The following RPRD2 variants were observed in gnomAD, a reference collection of about 807,000 sequenced individuals.
The protein encoded by RPRD2 is regulation of nuclear pre-mRNA domain-containing protein 2.
In RPRD2, 12 loss-of-function variants were observed where a neutral mutation model predicts 104.4. The observed-to-expected ratio is 0.11, with a 90% CI of 0.07 to 0.19. RPRD2 has a LOEUF of 0.19. Among genes scored for constraint, RPRD2 ranks in the 10% least tolerant of loss-of-function variants. The pLI is 1.00. For missense variants in RPRD2, 1,543 were observed against 1,790.1 expected, an observed-to-expected ratio of 0.86 and a Z score of 2.49; for synonymous variants, 714 against 684.9, an observed-to-expected ratio of 1.04 and a Z score of -0.66.
Position 150,473,212 on chromosome 1 carries a change from C to T in RPRD2, c.4264C>T (p.Arg1422Trp). The T allele has an allele frequency of 1.9e-6, 3 of 1,613,980 alleles. No individual in the cohort carries two copies. Among genetic ancestry groups the T allele is most frequent in the South Asian group, 1.1e-5 (1 of 91,082 alleles). ...IILRSPRPDF[R>W]PREPFLSRDP... The stretch of plus-strand genomic sequence containing the variant: ...CTTACGGAGTCCCCGGCCAGACTTT[C>T]GGCCTAGGGAACCTTTTCTCAGCAG... Residue 1422 changes from arginine to tryptophan, a missense_variant, in exon 11 of 11, where the codon CGG (arginine) becomes TGG (tryptophan). Arg to Trp is a moderately radical substitution (Grantham distance 101). This residue lies in a region of RPRD2 where 880 missense variants were observed against 885.6 expected (regional missense o/e 0.99). Coordinates refer to ENST00000369068, the MANE Select transcript of RPRD2 (RefSeq NM_015203.5).
At chr1:150,397,013 G>A (rs190547912) in intron 1 of RPRD2, among the ~76,000 whole-genome samples, 5 of 151,650 alleles carry the variant, frequency 3.3e-5, no homozygotes, top group East Asian at 1.9e-4. Flanking sequence ...TTGCTCTGTC[G>A]CCCAGGCTGG....
intron 7 of RPRD2, 45 bp from the exon 8 acceptor site, chr1:150,457,242 CT>C (rs1239591497): frequency 6.4e-7 from 1 of 1,566,470 alleles, no homozygotes; most frequent in African/African-American, 1.4e-5. Context: ...AAAATGTTAA[CT>C]TTCTGGTCTT....
chr1:150,411,273 C>G (rs1663880170), intron 1 of RPRD2, among the ~76,000 whole-genome samples: 1 of 149,908 alleles, frequency 6.7e-6, no homozygotes, highest in Non-Finnish European at 1.5e-5. Context: ...CCAGCCTGAC[C>G]AACATGATGA....
At chr1:150,469,265 T>TA (rs1354056442) in intron 10 of RPRD2, among the ~76,000 whole-genome samples, 1 of 152,186 alleles carries the variant, frequency 6.6e-6, no homozygotes, top group Non-Finnish European at 1.5e-5. Context: ...AAATGTATAT[T>TA]AAAAATTTTT....
In RPRD2 at chr1:150,471,859, C is replaced by T. The variant is rs371027603; in HGVS notation, c.2911C>T (p.His971Tyr). 6.2e-7 allele frequency: 1 copy of T among 1,613,912 alleles called. No individual in the cohort carries two copies. Among genetic ancestry groups the T allele is most frequent in the African/African-American group, 1.3e-5 (1 of 74,930 alleles). ...QYPDSPHPVP[H>Y]RSLFSPQNTL... ...CCCAGACTCTCCTCACCCAGTCCCA[C>T]ATCGTTCCCTTTTCTCTCCGCAGAA... Residue 971 changes from histidine to tyrosine, a missense_variant, in exon 11 of 11, where the codon CAT (histidine) becomes TAT (tyrosine). Around this residue, in one of 4 missense-constraint regions of RPRD2, gnomAD observed 880 missense variants for 885.6 expected, o/e 0.99. Coordinates refer to ENST00000369068, the MANE Select transcript of RPRD2 (RefSeq NM_015203.5). The surrounding 1 kb of genome is among the most constrained non-coding windows in gnomAD (Gnocchi z 5.3).
chr1:150,428,980 A>C (rs782029279), intron 2 of RPRD2, among the ~76,000 whole-genome samples: 3 of 152,144 alleles, frequency 2.0e-5, no homozygotes, highest in Non-Finnish European at 4.4e-5. Flanking sequence ...CTACAAGGTC[A>C]GCCAATTTTT....
At chr1:150,377,015 A>C (rs1363084643) in intron 1 of RPRD2, among the ~76,000 whole-genome samples, 1 of 149,442 alleles carries the variant, frequency 6.7e-6, no homozygotes, top group East Asian at 2.1e-4. Context: ...GTTTGAGACC[A>C]GCCTGGCCAA....
intron 1 of RPRD2, among the ~76,000 whole-genome samples, chr1:150,392,586 C>G (rs1325027902): frequency 1.3e-5 from 2 of 152,174 alleles, no homozygotes; most frequent in African/African-American, 4.8e-5. Flanking sequence ...TTGGCCATGG[C>G]TCATCCCTGT....
intron 10 of RPRD2, among the ~76,000 whole-genome samples, chr1:150,468,354 T>TA (rs71578501): frequency 0.23 from 33,068 of 144,860 alleles, 4,055 homozygotes; most frequent in African/African-American, 0.33. Flanking sequence ...TAAAAATAAT[T>TA]AAAAAAAAAA....
In RPRD2 at chr1:150,472,534, C is replaced by T; in HGVS notation, c.3586C>T (p.Pro1196Ser). The change falls in exon 11 of 11, where the codon CCA (proline) becomes TCA (serine). Residue 1196 changes from proline to serine, a missense_variant. Physicochemically the swap from Pro to Ser is moderately conservative, Grantham distance 74. Coordinates refer to ENST00000369068, the MANE Select transcript of RPRD2 (RefSeq NM_015203.5). ...CTCAACATTTGAGCATCATCTTCCC[C>T]CATCCCCCTTGGAACATGGGACACC... Reference protein sequence around the residue: ...FNSTFEHHLPPSPLEHGTPFQ... With the variant: ...FNSTFEHHLPSSPLEHGTPFQ... 6.2e-7 allele frequency: 1 copy of T among 1,613,964 alleles called. No homozygotes were observed. The highest frequency in any genetic ancestry group is 1.7e-5 in the Admixed American group (1 of 60,034).
chr1:150,432,658 TC>T (rs1403859512), intron 2 of RPRD2, among the ~76,000 whole-genome samples: 2 of 134,290 alleles, frequency 1.5e-5, no homozygotes, highest in Non-Finnish European at 3.2e-5. Flanking sequence ...AAAAAAAAGA[TC>T]AGTATAAAAG....
intron 1 of RPRD2, among the ~76,000 whole-genome samples, chr1:150,385,796 T>A (rs1560156474): frequency 6.6e-6 from 1 of 152,204 alleles, no homozygotes; most frequent in African/African-American, 2.4e-5. Flanking sequence ...TTAATTTTTC[T>A]CTTGGCCAAC....
At chr1:150,404,603 A>AT (rs1553886116) in intron 1 of RPRD2, among the ~76,000 whole-genome samples, 1 of 151,936 alleles carries the variant, frequency 6.6e-6, no homozygotes, top group African/African-American at 2.4e-5. Flanking sequence ...GCTGTATCAG[A>AT]TCTCATCCAA....
intron 1 of RPRD2, among the ~76,000 whole-genome samples, chr1:150,403,145 T>C (rs1663187875): frequency 2.0e-5 from 3 of 152,220 alleles, no homozygotes; most frequent in African/African-American, 7.2e-5. Flanking sequence ...AAAAGTAAGC[T>C]ACCCTTCACC....
At chr1:150,420,943 G>C (rs965484255) in intron 2 of RPRD2, among the ~76,000 whole-genome samples, 1 of 152,122 alleles carries the variant, frequency 6.6e-6, no homozygotes, top group Non-Finnish European at 1.5e-5. Context: ...TTCTGTAAAG[G>C]GTCGATAGTT....
chr1:150,468,992 CATT>C (rs1378614063), intron 10 of RPRD2, among the ~76,000 whole-genome samples: 1 of 150,334 alleles, frequency 6.7e-6, no homozygotes, highest in East Asian at 1.9e-4. Context: ...CTAAAGTAAA[CATT>C]ATTTCAGTTG....
At chr1:150,416,539 G>T (rs1560184028) in intron 1 of RPRD2, among the ~76,000 whole-genome samples, 1 of 152,064 alleles carries the variant, frequency 6.6e-6, no homozygotes, top group Non-Finnish European at 1.5e-5. Flanking sequence ...CAGGGTTCCA[G>T]ATAGTACATT....
intron 1 of RPRD2, among the ~76,000 whole-genome samples, chr1:150,391,521 AT>A (rs1662064074): frequency 6.6e-6 from 1 of 152,224 alleles, no homozygotes. Context: ...AATCTAAGAG[AT>A]AAAATGCAGT....
intron 1 of RPRD2, among the ~76,000 whole-genome samples, chr1:150,415,143 A>G (rs1664240290): frequency 6.6e-6 from 1 of 152,002 alleles, no homozygotes; most frequent in South Asian, 2.1e-4. Flanking sequence ...TGCCAGCATA[A>G]CATAGTGAAA....
Sources: gnomAD v4.1 joint callset for allele counts (sites outside exome capture counted in the v4.1 genomes callset) on GRCh38, gnomAD v4.1.1 for gene constraint, gnomAD v4.1.1 regional missense constraint, Gnocchi (gnomAD v3.1) non-coding constraint, MANE v1.5 for transcripts, NCBI Gene and HGNC (gene_info 2026-07-23, HGNC 2026-07-21) for gene names.